The following NTRK2 variants were observed in gnomAD, a reference collection of about 807,000 sequenced individuals.
The protein encoded by NTRK2 is neurotrophic receptor tyrosine kinase 2, also known as BDNF/NT-3 growth factors receptor.
In NTRK2, 13 loss-of-function variants were observed where a neutral mutation model predicts 94.5. That is an observed-to-expected ratio of 0.14 (90% confidence interval 0.09 to 0.22). NTRK2 has a LOEUF of 0.22. NTRK2 is among the 10% of genes least tolerant of loss of function. The probability of loss-of-function intolerance (pLI) is 1.00; values close to 1 mark genes in which losing one functional copy is unlikely to be tolerated. For missense variants in NTRK2, 639 were observed against 1,071.2 expected (o/e 0.60, Z 5.63); for synonymous variants, 372 against 407.4 (o/e 0.91, Z 1.05).
At chr9:84,982,876 T>C (rs935336840) in intron 17 of NTRK2, among the ~76,000 whole-genome samples, 1 of 152,186 alleles carries the variant, frequency 6.6e-6, no homozygotes, top group African/African-American at 2.4e-5. Flanking sequence ...TGTAATGATG[T>C]TTATCAAAGG....
intron 17 of NTRK2, among the ~76,000 whole-genome samples, chr9:85,000,382 G>A (rs974941702): frequency 1.2e-4 from 18 of 152,096 alleles, no homozygotes; most frequent in Non-Finnish European, 1.9e-4. Context: ...AAAATCCTCC[G>A]TGTGTCTCCT....
intron 9 of NTRK2, among the ~76,000 whole-genome samples, chr9:84,738,324 C>T (rs928517794): frequency 6.8e-6 from 1 of 148,026 alleles, no homozygotes; most frequent in Non-Finnish European, 1.5e-5. Flanking sequence ...ATTTTTTTCT[C>T]ATAGCTAGTG....
At chr9:84,765,143 C>T (rs548119189) in intron 12 of NTRK2, among the ~76,000 whole-genome samples, 3 of 152,100 alleles carry the variant, frequency 2.0e-5, no homozygotes, top group Non-Finnish European at 4.4e-5. Context: ...ACTGTCTGAT[C>T]GCACAACAGA....
chr9:84,917,299 T>C (rs2077422968), intron 14 of NTRK2, among the ~76,000 whole-genome samples: 1 of 152,214 alleles, frequency 6.6e-6, no homozygotes, highest in Non-Finnish European at 1.5e-5. Flanking sequence ...ATAATACAAT[T>C]AAGTTCTCAG....
chr9:84,948,372 T>A, intron 15 of NTRK2, 90 bp from the exon 16 acceptor site: 1 of 1,369,980 alleles, frequency 7.3e-7, no homozygotes, highest in Non-Finnish European at 1.0e-6. Flanking sequence ...TTTTCTCATC[T>A]TTTGCCTAAC....
At chr9:84,999,891 C>T (rs1247051831) in intron 17 of NTRK2, among the ~76,000 whole-genome samples, 1 of 152,168 alleles carries the variant, frequency 6.6e-6, no homozygotes, top group Non-Finnish European at 1.5e-5. Flanking sequence ...GTCCTCTGCT[C>T]AGGTTCGCAG....
At chr9:84,897,897 G>C (rs2076806635) in intron 14 of NTRK2, among the ~76,000 whole-genome samples, 1 of 152,174 alleles carries the variant, frequency 6.6e-6, no homozygotes, top group Non-Finnish European at 1.5e-5. Context: ...ATAAAACCAA[G>C]GGTCATTCTT....
intron 2 of NTRK2, among the ~76,000 whole-genome samples, chr9:84,690,436 C>A (rs1220628671): frequency 1.3e-5 from 2 of 152,080 alleles, no homozygotes; most frequent in African/African-American, 2.4e-5. Flanking sequence ...AGAATTCTTA[C>A]AGTCCAGGCG....
chr9:84,773,007 A>G (rs1156833593), intron 12 of NTRK2, among the ~76,000 whole-genome samples: 3 of 152,250 alleles, frequency 2.0e-5, no homozygotes, highest in African/African-American at 4.8e-5. Flanking sequence ...AGTTAAATTG[A>G]GAGTGCTAGA....
At position 84,990,152 on chromosome 9, in the gene NTRK2, A is replaced by G. The variant is rs150596673; in HGVS notation, c.2173-30054A>G. On this transcript the variant is annotated intron_variant, in intron 17 of 18. Coordinates refer to ENST00000277120, the MANE Select transcript of NTRK2 (RefSeq NM_006180.6). ...AATGTAGGAGCTTGCTATTATCTCC[A>G]ATAGTCTCTCAAAGGCCAGGCGGAT... 9.8e-3 allele frequency among the ~76,000 whole-genome samples: 866 copies of G among 88,144 alleles called. 27 individuals are homozygous for G. Among genetic ancestry groups the G allele is most frequent in the Admixed American group, 0.07 (598 of 8,504 alleles). The allele number at this position is 88,144 out of a possible 152,430, so 57.8% of individuals were successfully genotyped here.
intron 14 of NTRK2, among the ~76,000 whole-genome samples, chr9:84,888,238 T>A (rs2076477216): frequency 6.6e-6 from 1 of 152,166 alleles, no homozygotes; most frequent in Non-Finnish European, 1.5e-5. Flanking sequence ...TGCCATCTGC[T>A]AAGTGTTTCC....
At chr9:84,801,746 A>T (rs893352219) in intron 12 of NTRK2, among the ~76,000 whole-genome samples, 2 of 152,252 alleles carry the variant, frequency 1.3e-5, no homozygotes, top group African/African-American at 4.8e-5. Context: ...TTATTAGGAC[A>T]TAATCCCATC....
chr9:84,964,641 A>G (rs1025348669), intron 17 of NTRK2, among the ~76,000 whole-genome samples: 1 of 151,886 alleles, frequency 6.6e-6, no homozygotes, highest in African/African-American at 2.4e-5. Flanking sequence ...CATCTCCCCA[A>G]CTTAGGGAGC....
At chr9:84,823,910 G>A (rs2073017658) in intron 12 of NTRK2, among the ~76,000 whole-genome samples, 1 of 152,120 alleles carries the variant, frequency 6.6e-6, no homozygotes. Flanking sequence ...TCTTAAGTCA[G>A]GCTTCCTGGA....
chr9:84,890,369 C>T (rs765918779), intron 14 of NTRK2, among the ~76,000 whole-genome samples: 1 of 152,202 alleles, frequency 6.6e-6, no homozygotes, highest in Non-Finnish European at 1.5e-5. Flanking sequence ...CTAATTGATT[C>T]TATTACATTT....
intron 14 of NTRK2, among the ~76,000 whole-genome samples, chr9:84,907,932 T>C (rs533115796): frequency 6.6e-6 from 1 of 152,264 alleles, no homozygotes; most frequent in East Asian, 1.9e-4. Context: ...TTGGTTGTGG[T>C]TTTGGACCAG....
At chr9:84,902,920 C>T (rs1436011873) in intron 14 of NTRK2, among the ~76,000 whole-genome samples, 1 of 152,140 alleles carries the variant, frequency 6.6e-6, no homozygotes, top group African/African-American at 2.4e-5. Flanking sequence ...CTAAATGCAA[C>T]AATAATTGTC....
chr9:84,868,084 A>G (rs2075678263), intron 14 of NTRK2, among the ~76,000 whole-genome samples: 2 of 152,350 alleles, frequency 1.3e-5, no homozygotes, highest in South Asian at 4.1e-4. Flanking sequence ...CTTCTGCACC[A>G]CTGCTCCAAT....
intron 15 of NTRK2, among the ~76,000 whole-genome samples, chr9:84,944,815 T>G (rs1185146859): frequency 6.6e-6 from 1 of 152,228 alleles, no homozygotes; most frequent in Non-Finnish European, 1.5e-5. Flanking sequence ...AATACAAGAC[T>G]GGTTGTGGTT....
Sources: gnomAD v4.1 joint callset for allele counts (sites outside exome capture counted in the v4.1 genomes callset) on GRCh38, gnomAD v4.1.1 for gene constraint, MANE v1.5 for transcripts, NCBI Gene and HGNC (gene_info 2026-07-23, HGNC 2026-07-21) for gene names.